ADAM12: variants seen among roughly 807,000 people sequenced by gnomAD.
ADAM12 encodes ADAM metallopeptidase domain 12.
Under a neutral mutation model 106.4 loss-of-function variants are expected in ADAM12, and 70 were observed. That is an observed-to-expected ratio of 0.66 (90% CI 0.54 to 0.80). ADAM12 has a LOEUF of 0.80. ADAM12 is among the 30% of genes least tolerant of loss of function. The pLI is 0.00. For missense variants in ADAM12, 1,010 were observed against 1,171.9 expected, an observed-to-expected ratio of 0.86 and a Z score of 2.02; for synonymous variants, 420 against 433.5, an observed-to-expected ratio of 0.97 and a Z score of 0.39.
At chr10:126,041,962 T>A in intron 18 of ADAM12, 2 of 1,430,760 alleles carry the variant, frequency 1.4e-6, no homozygotes, top group South Asian at 1.5e-5. Flanking sequence ...TCTGCAGACG[T>A]GCCTGGTAGG....
chr10:126,148,306 T>C (rs116444187), intron 4 of ADAM12, among the ~76,000 whole-genome samples: 3,237 of 152,326 alleles, frequency 0.021, 123 homozygotes, highest in African/African-American at 0.073. Flanking sequence ...CCCTGTGTGC[T>C]GACTTGAGCA....
chr10:126,153,540 TA>T (rs1233614608), intron 4 of ADAM12, among the ~76,000 whole-genome samples: 2 of 152,200 alleles, frequency 1.3e-5, no homozygotes, highest in Admixed American at 6.5e-5. Flanking sequence ...GAATTTCTAT[TA>T]GACCCATTCT....
At chr10:126,026,654 C>A (rs1224857106) in intron 21 of ADAM12, among the ~76,000 whole-genome samples, 1 of 152,148 alleles carries the variant, frequency 6.6e-6, no homozygotes, top group African/African-American at 2.4e-5. Context: ...ACCTGAACAA[C>A]CTGCTCCTGA....
intron 21 of ADAM12, among the ~76,000 whole-genome samples, chr10:126,021,904 A>C (rs762054975): frequency 1.3e-5 from 2 of 152,218 alleles, no homozygotes; most frequent in Non-Finnish European, 1.5e-5. Context: ...ATAATTAACT[A>C]AGGTAACAAA....
chr10:126,277,651 C>T (rs1959332840), intron 3 of ADAM12, among the ~76,000 whole-genome samples: 1 of 152,164 alleles, frequency 6.6e-6, no homozygotes, highest in Non-Finnish European at 1.5e-5. Context: ...ATACAGTTTT[C>T]TCTTCAGATT....
chr10:126,017,434 C>A, intron 22 of ADAM12, 95 bp from the exon 23 acceptor site: 1 of 1,244,518 alleles, frequency 8.0e-7, no homozygotes, highest in Non-Finnish European at 1.1e-6. Flanking sequence ...TTCTGATAGT[C>A]TGAAGGGTTT....
Position 126,049,686 on chromosome 10 carries a change from A to G in ADAM12, c.1610-17T>C. On this transcript the variant is annotated splice_polypyrimidine_tract_variant and intron_variant, in intron 14 of 22. Transcript: ENST00000448723. This position sits in a 1 kb window ranked among gnomAD's most constrained non-coding sequence, Gnocchi z 4.4. ...GTTTAGCACCTGAAACAGAAGCAGA[A>G]CTGCATTTTCATCTCCTGCAGGTGA... is the stretch of plus-strand genomic sequence containing the variant. 6.2e-7 allele frequency: 1 copy of G among 1,606,944 alleles called. No individual in the cohort carries two copies. The highest frequency in any genetic ancestry group is 8.5e-7 in the Non-Finnish European group (1 of 1,176,308).
intron 2 of ADAM12, among the ~76,000 whole-genome samples, chr10:126,307,094 G>A (rs1244650930): frequency 1.3e-5 from 2 of 152,062 alleles, no homozygotes; most frequent in African/African-American, 4.8e-5. Flanking sequence ...CTGTCTTCAA[G>A]TTCACTATTC....
intron 2 of ADAM12, among the ~76,000 whole-genome samples, chr10:126,315,339 C>T (rs1187730593): frequency 6.6e-6 from 1 of 152,170 alleles, no homozygotes; most frequent in Non-Finnish European, 1.5e-5. Context: ...CAACTCTGCT[C>T]GCCAGCTCTT....
intron 6 of ADAM12, among the ~76,000 whole-genome samples, chr10:126,116,216 A>G (rs1043835394): frequency 2.0e-5 from 3 of 152,228 alleles, no homozygotes; most frequent in Non-Finnish European, 4.4e-5. Flanking sequence ...AACGACAAAC[A>G]TATTTGAGTG....
chr10:126,190,020 T>C (rs1957468752), intron 3 of ADAM12, among the ~76,000 whole-genome samples: 1 of 152,112 alleles, frequency 6.6e-6, no homozygotes, highest in Admixed American at 6.5e-5. Context: ...AATGGGATCC[T>C]GAGCTCACTC....
chr10:126,335,524 C>G (rs1854668969), intron 1 of ADAM12, among the ~76,000 whole-genome samples: 2 of 152,154 alleles, frequency 1.3e-5, no homozygotes, highest in Admixed American at 1.3e-4. Flanking sequence ...CTGAGCAGCT[C>G]CTTGTCTCAG....
chr10:126,190,998 T>C (rs1957490196), intron 3 of ADAM12, among the ~76,000 whole-genome samples: 2 of 65,210 alleles, frequency 3.1e-5, no homozygotes, highest in Non-Finnish European at 4.7e-5. Context: ...TCCTTTTTTT[T>C]TTTTTTTTTT....
chr10:126,031,985 G>T (rs1344569533), intron 21 of ADAM12, among the ~76,000 whole-genome samples: 1 of 152,212 alleles, frequency 6.6e-6, no homozygotes, highest in Non-Finnish European at 1.5e-5. Flanking sequence ...CATGAAGGAA[G>T]TGGTACATTG....
chr10:126,156,649 A>G (rs553533344), intron 3 of ADAM12, among the ~76,000 whole-genome samples: 2 of 152,354 alleles, frequency 1.3e-5, no homozygotes, highest in South Asian at 4.2e-4. Context: ...ATCCTCCAGC[A>G]GTAACACTTC....
chr10:126,038,435 C>T (rs1590318398), intron 19 of ADAM12, 86 bp from the exon 20 acceptor site: 1 of 1,039,416 alleles, frequency 9.6e-7, no homozygotes, highest in East Asian at 2.7e-5. Context: ...TAGTGGCACT[C>T]AAAAGACAGT....
intron 10 of ADAM12, 48 bp from the exon 11 acceptor site, chr10:126,094,181 C>A (rs756076463): frequency 1.9e-6 from 3 of 1,566,592 alleles, no homozygotes; most frequent in South Asian, 1.2e-5. Flanking sequence ...ATCTCCTTGG[C>A]CTTATTTCCC....
rs1363646957 is a variant in ADAM12, at chr10:126,278,998, AAAC to A, written c.187-13_187-11del. The A allele has an allele frequency of 6.2e-7, 1 of 1,609,836 alleles. No homozygotes were observed. The highest frequency in any genetic ancestry group is 8.5e-7 in the Non-Finnish European group (1 of 1,176,620). ...GCACTTCTGGATGATTCTGAAAGAT[AAAC>A]AACAAAAGTCAGTTGAAAAACGCTT... On this transcript the variant is annotated splice_polypyrimidine_tract_variant and intron_variant, in intron 2 of 22. Transcript: ENST00000448723.
At chr10:126,305,754 T>C (rs1357102368) in intron 2 of ADAM12, among the ~76,000 whole-genome samples, 1 of 152,052 alleles carries the variant, frequency 6.6e-6, no homozygotes, top group African/African-American at 2.4e-5. Flanking sequence ...TGTTTCAGAT[T>C]GAAGGAAAAT....
Sources: allele counts gnomAD v4.1 joint callset (sites outside exome capture counted in the v4.1 genomes callset), GRCh38; gene constraint gnomAD v4.1.1; non-coding constraint Gnocchi (gnomAD v3.1); transcripts MANE v1.5; gene names NCBI Gene and HGNC (gene_info 2026-07-23, HGNC 2026-07-21).